PIWIL1: variants seen among roughly 807,000 people sequenced by gnomAD.
The protein encoded by PIWIL1 is piwi-like protein 1.
PIWIL1 carries 73 observed loss-of-function variants against 114.4 expected under a neutral mutation model. That is an observed-to-expected ratio of 0.64 (90% CI 0.53 to 0.78). The LOEUF is 0.78. Ranked by LOEUF, PIWIL1 falls within the 30% of genes least tolerant of loss-of-function variation. The pLI, the probability that PIWIL1 is intolerant of heterozygous loss-of-function variation, is 0.00. For synonymous variants in PIWIL1, 375 were observed against 369.0 expected, an observed-to-expected ratio of 1.02 and a Z score of -0.19; for missense variants, 723 against 1,063.1, an observed-to-expected ratio of 0.68 and a Z score of 4.45.
chr12:130,384,529 G>T, the PIWIL1 span, among the ~76,000 whole-genome samples: 1 of 152,198 alleles, frequency 6.6e-6, no homozygotes, highest in African/African-American at 2.4e-5. Flanking sequence ...AAAGCAACAA[G>T]AACATGTTAA....
At chr12:130,383,103 A>C in the PIWIL1 span, among the ~76,000 whole-genome samples, 1 of 152,178 alleles carries the variant, frequency 6.6e-6, no homozygotes, top group Non-Finnish European at 1.5e-5. Flanking sequence ...CGTTGTCCAG[A>C]GTGAAAAATT....
At chr12:130,354,067 CTT>C (rs966648698) in intron 9 of PIWIL1, among the ~76,000 whole-genome samples, 65 of 152,146 alleles carry the variant, frequency 4.3e-4, no homozygotes, top group African/African-American at 1.5e-3. Flanking sequence ...TTATAAAAAA[CTT>C]TTTCTGATTA....
the PIWIL1 span, among the ~76,000 whole-genome samples, chr12:130,408,634 A>G: frequency 6.6e-6 from 1 of 152,210 alleles, no homozygotes; most frequent in Non-Finnish European, 1.5e-5. Context: ...AGGAGGCCTC[A>G]GTGCAGAGCC....
chr12:130,367,103 A>G (rs1234797108), intron 18 of PIWIL1, 30 bp from the exon 19 acceptor site: 1 of 1,612,144 alleles, frequency 6.2e-7, no homozygotes, highest in East Asian at 2.2e-5. Context: ...TGACTGGCTA[A>G]ATGCAGTTAC....
chr12:130,423,604 T>C, the PIWIL1 span, among the ~76,000 whole-genome samples: 2 of 138,892 alleles, frequency 1.4e-5, no homozygotes, highest in Admixed American at 1.6e-4. Context: ...TTCTGGAAAC[T>C]GTGGGCACAG....
At chr12:130,422,416 G>A in the PIWIL1 span, 14 of 1,452,784 alleles carry the variant, frequency 9.6e-6, no homozygotes, top group Admixed American at 3.5e-5. This position sits in a 1 kb window ranked among gnomAD's most constrained non-coding sequence, Gnocchi z 5.2. Context: ...CATGCTCCGC[G>A]GCTGAAAGAC....
chr12:130,371,732 A>T lies in PIWIL1; in HGVS notation c.*134A>T. On this transcript the variant is annotated 3_prime_UTR_variant, in exon 21 of 21. Coordinates refer to ENST00000245255, the MANE Select transcript of PIWIL1 (RefSeq NM_004764.5). Reference sequence around the variant, plus strand: ...AGGGGATTAGGAGATCTAGCATTTTATTTCTAGCATTGCTATTCACCGGCT... The same window carrying T: ...AGGGGATTAGGAGATCTAGCATTTTTTTTCTAGCATTGCTATTCACCGGCT... 1 of 520,192 alleles carries T rather than the reference A, an allele frequency of 1.9e-6. No individual in the cohort carries two copies. The highest frequency in any genetic ancestry group is 3.4e-6 in the Non-Finnish European group (1 of 292,014). The allele number at this position is 520,192 out of a possible 1,614,324, so 32.2% of individuals were successfully genotyped here.
chr12:130,363,039 T>C lies in PIWIL1; in HGVS notation c.2090T>C (p.Ile697Thr). 6.2e-7 allele frequency: 1 copy of C among 1,614,236 alleles called. No individual in the cohort carries two copies. The highest frequency in any genetic ancestry group is 8.5e-7 in the Non-Finnish European group (1 of 1,180,044). Residue 697 changes from isoleucine to threonine, a missense_variant, in exon 18 of 21, where the codon ATC (isoleucine) becomes ACC (threonine). Around this residue, in one of 8 missense-constraint regions of PIWIL1, gnomAD observed 31 missense variants for 30.2 expected, o/e 1.03. Transcript: ENST00000245255. ...NSCNEYMPSR[I>T]IVYRDGVGDG... The stretch of plus-strand genomic sequence containing the variant: ...TGCAATGAGTACATGCCCAGCCGGA[T>C]CATCGTGTACCGCGATGGCGTAGGA...
At chr12:130,362,645 G>A (rs768788814) in intron 16 of PIWIL1, 121 bp from the exon 17 acceptor site, 4 of 783,028 alleles carry the variant, frequency 5.1e-6, no homozygotes, top group Non-Finnish European at 8.4e-6. Flanking sequence ...GTTAACAGAT[G>A]TCTTTAAGGC....
the PIWIL1 span, among the ~76,000 whole-genome samples, chr12:130,404,444 C>T: frequency 6.6e-6 from 1 of 152,280 alleles, no homozygotes; most frequent in South Asian, 2.1e-4. Context: ...ATTACAGGCA[C>T]ATGCCACCAC....
chr12:130,371,675 T>C lies in PIWIL1; in HGVS notation c.*77T>C, dbSNP rs2073820111. On this transcript the variant is annotated 3_prime_UTR_variant, in exon 21 of 21. Coordinates refer to ENST00000245255, the MANE Select transcript of PIWIL1 (RefSeq NM_004764.5). ...TTTTAAGCTTTTATTTACTTTTTTTTTAACTGTTATCTTTCTGGATGAAAC... is the reference window on the plus strand; with the variant it reads ...TTTTAAGCTTTTATTTACTTTTTTTCTAACTGTTATCTTTCTGGATGAAAC... The C allele has an allele frequency of 4.5e-6, 4 of 897,032 alleles. No homozygotes were observed. In the Admixed American group the frequency reaches 9.4e-5, roughly 21 times the overall value. 55.6% of individuals were successfully genotyped at this position (897,032 alleles called of 1,614,324 possible).
chr12:130,424,283 C>T, the PIWIL1 span: 53 of 1,231,710 alleles, frequency 4.3e-5, no homozygotes, highest in Non-Finnish European at 5.0e-5. This position sits in a 1 kb window ranked among gnomAD's most constrained non-coding sequence, Gnocchi z 9.8. Flanking sequence ...TCCTGGGGGG[C>T]GGCCTCTCCG....
At chr12:130,347,118 A>G in intron 6 of PIWIL1, 56 bp downstream of exon 6, 1 of 1,260,948 alleles carries the variant, frequency 7.9e-7, no homozygotes, top group Non-Finnish European at 1.1e-6. Context: ...AAATAATTGT[A>G]CATTGAACAT....
chr12:130,408,370 A>G, the PIWIL1 span, among the ~76,000 whole-genome samples: 1 of 152,240 alleles, frequency 6.6e-6, no homozygotes, highest in Non-Finnish European at 1.5e-5. Flanking sequence ...CACCCAGCCC[A>G]GTGGCTTCCC....
Position 130,346,926 on chromosome 12 carries a change from C to T in PIWIL1, c.532-15C>T. 6.2e-7 allele frequency: 1 copy of T among 1,606,342 alleles called. No individual in the cohort carries two copies. Among genetic ancestry groups the T allele is most frequent in the South Asian group, 1.1e-5 (1 of 88,630 alleles). ...AAGGATTTAAAGTTTGGGTTTTCCA[C>T]CTCTCTGGCTTCAGGTTACTGAAGT... On this transcript the variant is annotated splice_polypyrimidine_tract_variant and intron_variant, in intron 5 of 20. Transcript: ENST00000245255.
chr12:130,405,172 C>A, the PIWIL1 span, among the ~76,000 whole-genome samples: 1 of 152,096 alleles, frequency 6.6e-6, no homozygotes, highest in African/African-American at 2.4e-5. Flanking sequence ...GAAATTCATC[C>A]TTAATAAACA....
chr12:130,418,066 G>A, the PIWIL1 span, among the ~76,000 whole-genome samples: 71 of 152,302 alleles, frequency 4.7e-4, no homozygotes, highest in African/African-American at 1.6e-3. Flanking sequence ...AGAAGAGACA[G>A]GACAGGTGGT....
At position 130,346,508 on chromosome 12, in the gene PIWIL1, A is replaced by G. The variant is rs1230785043; in HGVS notation, c.455A>G (p.Gln152Arg). Residue 152 changes from glutamine (Q) to arginine (R), a missense_variant, in exon 5 of 21, where the codon CAA (glutamine) becomes CGA (arginine). Around this residue, in one of 8 missense-constraint regions of PIWIL1, gnomAD observed 190 missense variants for 294.4 expected, o/e 0.65. Transcript: ENST00000245255. ...AGACTCCGTTCAGCTCTTCTTTTTC[A>G]ACACGAAGATCTAATTGGAAAGTGT... is the stretch of plus-strand genomic sequence containing the variant. ...ARRLRSALLFQHEDLIGKCHA... is the reference protein window; with the variant it reads ...ARRLRSALLFRHEDLIGKCHA... 2.5e-6 allele frequency: 4 copies of G among 1,614,038 alleles called. No homozygotes were observed. The highest frequency in any genetic ancestry group is 1.7e-5 in the Admixed American group (1 of 59,998).
the PIWIL1 span, among the ~76,000 whole-genome samples, chr12:130,384,642 G>A: frequency 3.9e-5 from 6 of 152,204 alleles, no homozygotes; most frequent in Non-Finnish European, 8.8e-5. Context: ...CAGAAGAGCT[G>A]CTGGGGTGCA....
Sources: gnomAD v4.1 joint callset for allele counts (sites outside exome capture counted in the v4.1 genomes callset) on GRCh38, gnomAD v4.1.1 for gene constraint, gnomAD v4.1.1 regional missense constraint, Gnocchi (gnomAD v3.1) non-coding constraint, MANE v1.5 for transcripts, NCBI Gene and HGNC (gene_info 2026-07-23, HGNC 2026-07-21) for gene names.